SARNP: variants seen among roughly 807,000 people sequenced by gnomAD.
SARNP encodes the protein SAP domain-containing ribonucleoprotein.
A neutral mutation model predicts 38.1 loss-of-function variants in SARNP; 5 were observed. The observed-to-expected ratio is 0.13, with a 90% CI of 0.07 to 0.28. The LOEUF (loss-of-function observed/expected upper bound fraction) is 0.28, where lower values mean the gene tolerates loss of function less well. SARNP is among the 10% of genes least tolerant of loss of function. SARNP has a pLI of 1.00. For synonymous variants in SARNP, 84 were observed against 80.6 expected (o/e 1.04, Z -0.23); for missense variants, 180 against 243.9 (o/e 0.74, Z 1.75).
intron 9 of SARNP, among the ~76,000 whole-genome samples, chr12:55,779,318 G>A (rs960143955): frequency 3.3e-5 from 5 of 152,202 alleles, no homozygotes; most frequent in East Asian, 1.9e-4. Context: ...GGGAGCCTAC[G>A]TTGAGTTTTG....
At chr12:55,786,026 G>C (rs1879482327) in intron 9 of SARNP, among the ~76,000 whole-genome samples, 1 of 152,098 alleles carries the variant, frequency 6.6e-6, no homozygotes, top group Non-Finnish European at 1.5e-5. Flanking sequence ...TCAGTAATTT[G>C]CTCAAAGTCA....
chr12:55,779,801 A>T (rs919236972), intron 9 of SARNP, among the ~76,000 whole-genome samples: 1 of 152,192 alleles, frequency 6.6e-6, no homozygotes, highest in Non-Finnish European at 1.5e-5. Flanking sequence ...CTATGATTTT[A>T]CCTGTAATTT....
At chr12:55,776,915 T>C (rs977650683) in intron 9 of SARNP, among the ~76,000 whole-genome samples, 12 of 152,142 alleles carry the variant, frequency 7.9e-5, no homozygotes, top group African/African-American at 1.2e-4. Flanking sequence ...AAACTGAATA[T>C]TGAAAAGTAA....
chr12:55,813,663 G>GC (rs1419630302), intron 1 of SARNP, among the ~76,000 whole-genome samples: 2 of 149,884 alleles, frequency 1.3e-5, no homozygotes, highest in African/African-American at 2.5e-5. Flanking sequence ...TCCTGCCTCA[G>GC]CCCCCCGAGT....
downstream of SARNP, chr12:55,755,757 A>G (rs1006257177): frequency 1.5e-4 from 23 of 151,786 alleles, no homozygotes; most frequent in African/African-American, 5.3e-4. Flanking sequence ...CAACATAGGA[A>G]CAGCTGCTGA....
intron 9 of SARNP, among the ~76,000 whole-genome samples, chr12:55,776,256 T>G (rs1045152153): frequency 6.6e-6 from 1 of 151,976 alleles, no homozygotes; most frequent in East Asian, 1.9e-4. Flanking sequence ...CTGGGCAAAA[T>G]AGGGAGACCC....
chr12:55,767,834 G>A (rs1160102599), intron 9 of SARNP, among the ~76,000 whole-genome samples: 4 of 122,450 alleles, frequency 3.3e-5, no homozygotes, highest in East Asian at 2.5e-4. Flanking sequence ...GCAACAGAGC[G>A]AGACTCCCTC....
In SARNP at chr12:55,803,722, C is replaced by T. The variant is rs751145396; in HGVS notation, c.43G>A (p.Glu15Lys). The T allele has an allele frequency of 5.6e-6, 9 of 1,611,800 alleles. No homozygotes were observed. The highest frequency in any genetic ancestry group is 2.7e-5 in the African/African-American group (2 of 74,780). ...CGAGCAAGACATTCTTGCTTTAGTT[C>T]GGCAAGCTGAGGGGAAAAAAATAAA... is the stretch of plus-strand genomic sequence containing the variant. ...TVELHKLKLA[E>K]LKQECLARGL... Residue 15 changes from glutamate (E) to lysine (K), a missense_variant, in exon 2 of 11, where the codon GAA becomes AAA. By Grantham distance (56) the Glu-to-Lys change is moderately conservative (BLOSUM62 1). Transcript: ENST00000336133.
intron 4 of SARNP, among the ~76,000 whole-genome samples, chr12:55,796,811 C>A (rs778159857): frequency 2.0e-5 from 3 of 152,144 alleles, no homozygotes; most frequent in Non-Finnish European, 4.4e-5. Context: ...TGGTTTCCTT[C>A]TTTTAAAAAT....
chr12:55,797,506 A>G (rs962732038), intron 4 of SARNP, among the ~76,000 whole-genome samples: 1 of 152,170 alleles, frequency 6.6e-6, no homozygotes, highest in African/African-American at 2.4e-5. Flanking sequence ...CTTGTCTTAT[A>G]ATTTAGGCAC....
At chr12:55,817,603 A>G in intron 1 of SARNP, 63 bp downstream of exon 1, 3 of 1,506,696 alleles carry the variant, frequency 2.0e-6, no homozygotes, top group Non-Finnish European at 1.8e-6. Flanking sequence ...AGAAGGCGCA[A>G]GCTACCCTGT....
chr12:55,813,225 T>C (rs1880382821), intron 1 of SARNP, among the ~76,000 whole-genome samples: 1 of 152,218 alleles, frequency 6.6e-6, no homozygotes. Context: ...ATTACAGGCA[T>C]GAGCCACCGT....
At chr12:55,771,242 G>A (rs1276771636) in intron 9 of SARNP, among the ~76,000 whole-genome samples, 1 of 152,142 alleles carries the variant, frequency 6.6e-6, no homozygotes, top group Non-Finnish European at 1.5e-5. Context: ...GCAGGTGTGA[G>A]CCACTGTGCC....
chr12:55,774,559 GAAAAA>G (rs71074857), intron 9 of SARNP, among the ~76,000 whole-genome samples: 1 of 85,896 alleles, frequency 1.2e-5, no homozygotes, highest in Non-Finnish European at 2.0e-5. Flanking sequence ...CGTCTCTACT[GAAAAA>G]AAAAAAAAAA....
intron 2 of SARNP, among the ~76,000 whole-genome samples, chr12:55,802,379 C>T (rs1310718124): frequency 6.6e-6 from 1 of 151,472 alleles, no homozygotes; most frequent in Non-Finnish European, 1.5e-5. Flanking sequence ...ATACTATATC[C>T]TACAGGTTAA....
chr12:55,779,975 T>C (rs772456367), intron 9 of SARNP, among the ~76,000 whole-genome samples: 1 of 152,128 alleles, frequency 6.6e-6, no homozygotes, highest in Non-Finnish European at 1.5e-5. Flanking sequence ...AGTGAGACCC[T>C]GTCTCCACAA....
intron 7 of SARNP, chr12:55,793,426 G>A (rs1175510662): frequency 6.6e-6 from 1 of 152,062 alleles, no homozygotes; most frequent in Non-Finnish European, 1.5e-5. Context: ...TTAGAATACA[G>A]TCGTCCCTCC....
At chr12:55,814,762 G>A (rs971971586) in intron 1 of SARNP, among the ~76,000 whole-genome samples, 12 of 151,964 alleles carry the variant, frequency 7.9e-5, no homozygotes, top group South Asian at 2.1e-4. Context: ...CCAGCTACTC[G>A]GGAAGCTGAG....
At chr12:55,803,341 A>G (rs897715360) in intron 2 of SARNP, among the ~76,000 whole-genome samples, 2 of 151,922 alleles carry the variant, frequency 1.3e-5, no homozygotes, top group Admixed American at 1.3e-4. Context: ...AAAATCAGCC[A>G]GGCATGGTGG....
Sources: allele counts gnomAD v4.1 joint callset (sites outside exome capture counted in the v4.1 genomes callset), GRCh38; gene constraint gnomAD v4.1.1; transcripts MANE v1.5; gene names NCBI Gene and HGNC (gene_info 2026-07-23, HGNC 2026-07-21).